The following UNC80 variants were observed in gnomAD, a reference collection of about 807,000 sequenced individuals.
UNC80 encodes unc-80 subunit of NALCN channel complex.
A neutral mutation model predicts 384.6 loss-of-function variants in UNC80; 164 were observed. The observed-to-expected ratio is 0.43, with a 90% confidence interval of 0.38 to 0.49. The LOEUF (loss-of-function observed/expected upper bound fraction) is 0.49. UNC80 is among the 20% of genes least tolerant of loss of function. The probability of loss-of-function intolerance (pLI) is 0.00; values close to 1 mark genes in which losing one functional copy is unlikely to be tolerated. For missense variants in UNC80, 3,330 were observed against 4,143.0 expected (o/e 0.80, Z 5.39); for synonymous variants, 1,486 against 1,527.8 (o/e 0.97, Z 0.64).
intron 61 of UNC80, among the ~76,000 whole-genome samples, chr2:209,991,282 G>T (rs1040700957): frequency 6.6e-6 from 1 of 152,116 alleles, no homozygotes; most frequent in Non-Finnish European, 1.5e-5. Flanking sequence ...CCACAGAATT[G>T]TAATATTCTC....
Position 209,839,922 on chromosome 2 carries a change from A to G in UNC80, c.3250+492A>G, listed in dbSNP as rs2081614904. 6.6e-6 allele frequency among the ~76,000 whole-genome samples: 1 copy of G among 152,158 alleles called. No individual in the cohort carries two copies. The highest frequency in any genetic ancestry group is 1.5e-5 in the Non-Finnish European group (1 of 68,028). Reference sequence around the variant, plus strand: ...AGGAAGGAGAGCACTCCAGGTAGCCATTATTTGCAAAGATATTAGGAGGCT... The same window carrying G: ...AGGAAGGAGAGCACTCCAGGTAGCCGTTATTTGCAAAGATATTAGGAGGCT... On this transcript the variant is annotated intron_variant, in intron 19 of 64. Coordinates refer to ENST00000673920, the MANE Select transcript of UNC80 (RefSeq NM_001371986.1). The surrounding 1 kb of genome is among the most constrained non-coding windows in gnomAD (Gnocchi z 4.1).
chr2:209,945,269 C>G, intron 46 of UNC80, 80 bp downstream of exon 46: 1 of 1,359,730 alleles, frequency 7.4e-7, no homozygotes. Context: ...CACACATACA[C>G]GTATATTTAT....
Position 209,820,535 on chromosome 2 carries a change from C to T in UNC80, c.2187C>T (p.Phe729=), listed in dbSNP as rs879171038. ...KGVSGSSTCG[F]GGPAVSGAGD... is the part of the protein sequence containing the mutation. ...TATCTGGAAGTTCCACCTGTGGATT[C>T]GGAGGCCCTGCTGTTAGTGGAGCTG... The change falls in exon 13 of 65, where the codon TTC becomes TTT. Residue 729 remains phenylalanine, a synonymous_variant. Transcript: ENST00000673920. 10 of 1,550,526 alleles carry T rather than the reference C, an allele frequency of 6.4e-6. No individual in the cohort carries two copies. Among genetic ancestry groups the T allele is most frequent in the Middle Eastern group, 1.7e-4 (1 of 6,018 alleles).
At chr2:209,896,484 G>A in intron 28 of UNC80, 71 bp downstream of exon 28, 1 of 1,252,536 alleles carries the variant, frequency 8.0e-7, no homozygotes, top group Non-Finnish European at 1.1e-6. Flanking sequence ...AAGGAGGGAG[G>A]ACAAGAGATT....
At chr2:209,838,696 T>C (rs1459943094) in intron 18 of UNC80, among the ~76,000 whole-genome samples, 1 of 152,152 alleles carries the variant, frequency 6.6e-6, no homozygotes, top group Non-Finnish European at 1.5e-5. Flanking sequence ...GCACGGTGGC[T>C]CATGCCTGTA....
chr2:209,943,560 G>A lies in UNC80; in HGVS notation c.7050+46G>A, dbSNP rs1409298154. Reference sequence around the variant, plus strand: ...AAAAAAATGAAGACCAACAAAATGAGAAAAGCAAAGGTTATTTATTAGAGC... The same window carrying A: ...AAAAAAATGAAGACCAACAAAATGAAAAAAGCAAAGGTTATTTATTAGAGC... On this transcript the variant is annotated intron_variant, in intron 45 of 64. Transcript: ENST00000673920. 1.0e-5 allele frequency: 16 copies of A among 1,546,156 alleles called. No individual in the cohort carries two copies. In the East Asian group the frequency reaches 3.9e-4, roughly 38 times the overall value.
rs1559140228 is a variant in UNC80, at chr2:209,817,966, G to A, written c.1693+14G>A. 6.4e-7 allele frequency: 1 copy of A among 1,551,336 alleles called. No homozygotes were observed. The highest frequency in any genetic ancestry group is 8.7e-7 in the Non-Finnish European group (1 of 1,146,798). On this transcript the variant is annotated intron_variant, in intron 11 of 64. Coordinates refer to ENST00000673920, the MANE Select transcript of UNC80 (RefSeq NM_001371986.1). ...CCGTCAAGGAAGGTGGGTAGGAGGT[G>A]GGGCCTACGGGCAGGAGTTCAGAGT...
chr2:209,949,065 T>C (rs1362782757), intron 47 of UNC80, among the ~76,000 whole-genome samples: 1 of 152,216 alleles, frequency 6.6e-6, no homozygotes, highest in Non-Finnish European at 1.5e-5. Flanking sequence ...GGTTGTATAA[T>C]TATCATTTTT....
chr2:209,975,666 A>G (rs553553216), intron 56 of UNC80, among the ~76,000 whole-genome samples: 1 of 152,316 alleles, frequency 6.6e-6, no homozygotes, highest in Admixed American at 6.5e-5. Context: ...TAGTAACACA[A>G]ATATTTATTT....
intron 20 of UNC80, among the ~76,000 whole-genome samples, chr2:209,841,007 A>C (rs1027285635): frequency 1.3e-5 from 2 of 152,222 alleles, no homozygotes; most frequent in African/African-American, 4.8e-5. Context: ...TCCCTTTTAC[A>C]TATTAAGACA....
intron 33 of UNC80, among the ~76,000 whole-genome samples, chr2:209,920,356 A>G (rs993259912): frequency 1.2e-4 from 19 of 152,172 alleles, no homozygotes; most frequent in African/African-American, 4.3e-4. Context: ...TGGAATTGCC[A>G]TTGTGCATAA....
chr2:209,959,363 G>A, intron 50 of UNC80, 126 bp from the exon 51 acceptor site: 1 of 1,102,680 alleles, frequency 9.1e-7, no homozygotes, highest in Non-Finnish European at 1.3e-6. Flanking sequence ...GTTCTCCTTG[G>A]CCTCACCCTA....
intron 28 of UNC80, among the ~76,000 whole-genome samples, chr2:209,902,322 G>A (rs2087505574): frequency 6.6e-6 from 1 of 152,136 alleles, no homozygotes; most frequent in African/African-American, 2.4e-5. Flanking sequence ...TTCTTGAGAT[G>A]GAATCTACTT....
chr2:209,842,477 C>T (rs1180002246), intron 21 of UNC80, 31 bp downstream of exon 21: 1 of 1,443,616 alleles, frequency 6.9e-7, no homozygotes, highest in East Asian at 2.5e-5. Flanking sequence ...GAATTCTATT[C>T]AACTTTTATC....
rs2093440876 is a variant in UNC80, at chr2:209,994,055, C to G, written c.9509-10C>G. 1.3e-6 allele frequency: 2 copies of G among 1,544,698 alleles called. No individual in the cohort carries two copies. The highest frequency in any genetic ancestry group is 2.5e-5 in the East Asian group (1 of 40,760). The stretch of plus-strand genomic sequence containing the variant: ...TCCTCCCCAATTTACTGTTTCACCT[C>G]TACCTGCAGCGGATCAGAAACGATC... On this transcript the variant is annotated splice_polypyrimidine_tract_variant and intron_variant, in intron 63 of 64. Coordinates refer to ENST00000673920, the MANE Select transcript of UNC80 (RefSeq NM_001371986.1).
intron 28 of UNC80, among the ~76,000 whole-genome samples, chr2:209,903,402 A>ATTATATATATACACATTATATATAT (rs1386250413): frequency 3.3e-4 from 40 of 120,340 alleles, no homozygotes; most frequent in African/African-American, 7.6e-4. Context: ...TTATATATAT[A>ATTATATATATACACATTATATATAT]TTATATATAT....
intron 51 of UNC80, among the ~76,000 whole-genome samples, chr2:209,966,372 T>G (rs2092742180): frequency 6.6e-6 from 1 of 152,232 alleles, no homozygotes; most frequent in Non-Finnish European, 1.5e-5. Context: ...TTTTTATGAA[T>G]GAGTATACAT....
chr2:209,957,715 T>C lies in UNC80; in HGVS notation c.7529T>C (p.Met2510Thr). Reference protein sequence around the residue: ...HKGTTTANHTMSSGVNTRYQE... With the variant: ...HKGTTTANHTTSSGVNTRYQE... The stretch of plus-strand genomic sequence containing the variant: ...GGAACCACCACAGCCAATCACACCA[T>C]GTCGTCTGGGGTGAACACCAGGTAA... Residue 2510 changes from methionine to threonine, a missense_variant, in exon 49 of 65, where the codon ATG becomes ACG. Transcript: ENST00000673920. 6.4e-7 allele frequency: 1 copy of C among 1,551,506 alleles called. No individual in the cohort carries two copies. Among genetic ancestry groups the C allele is most frequent in the Non-Finnish European group, 8.7e-7 (1 of 1,146,840 alleles).
At chr2:209,991,655 C>T (rs2093393981) in intron 61 of UNC80, among the ~76,000 whole-genome samples, 1 of 152,202 alleles carries the variant, frequency 6.6e-6, no homozygotes, top group Non-Finnish European at 1.5e-5. Context: ...ACTCAGTAGT[C>T]ACAGAGACTT....
Sources: gnomAD v4.1 joint callset for allele counts (sites outside exome capture counted in the v4.1 genomes callset) on GRCh38, gnomAD v4.1.1 for gene constraint, Gnocchi (gnomAD v3.1) non-coding constraint, MANE v1.5 for transcripts, NCBI Gene and HGNC (gene_info 2026-07-23, HGNC 2026-07-21) for gene names.